The following AKAP13 variants were observed in gnomAD, a reference collection of about 807,000 sequenced individuals.
AKAP13 encodes the protein A-kinase anchor protein 13.
In AKAP13, 80 loss-of-function variants were observed where a neutral mutation model predicts 264.5. The observed-to-expected ratio is 0.30, with a 90% CI of 0.25 to 0.36. The LOEUF (loss-of-function observed/expected upper bound fraction) is 0.36. Ranked by LOEUF, AKAP13 falls within the 10% of genes least tolerant of loss-of-function variation. The probability of loss-of-function intolerance (pLI) is 1.00; values close to 1 mark genes in which losing one functional copy is unlikely to be tolerated. For synonymous variants in AKAP13, 1,380 were observed against 1,250.2 expected (o/e 1.10, Z -2.19); for missense variants, 3,712 against 3,435.2 (o/e 1.08, Z -2.01).
At chr15:85,398,691 G>T (rs1387257894) in intron 1 of AKAP13, among the ~76,000 whole-genome samples, 1 of 152,108 alleles carries the variant, frequency 6.6e-6, no homozygotes, top group African/African-American at 2.4e-5. Context: ...GAGTAGCTGG[G>T]ATTACAGGCA....
intron 5 of AKAP13, among the ~76,000 whole-genome samples, chr15:85,568,665 C>A (rs2078695698): frequency 6.6e-6 from 1 of 152,150 alleles, no homozygotes; most frequent in Admixed American, 6.5e-5. Flanking sequence ...TCATGAAGTT[C>A]TGTGGCTCTT....
intron 1 of AKAP13, among the ~76,000 whole-genome samples, chr15:85,470,802 A>G (rs1439076748): frequency 6.6e-6 from 1 of 152,198 alleles, no homozygotes; most frequent in Non-Finnish European, 1.5e-5. Flanking sequence ...CAGTGATTTT[A>G]TGTTACTTTG....
chr15:85,587,047 A>G (rs1461304097), intron 8 of AKAP13, among the ~76,000 whole-genome samples: 1 of 152,196 alleles, frequency 6.6e-6, no homozygotes, highest in African/African-American at 2.4e-5. Context: ...TAAAGTGCAT[A>G]GGTCATTGGT....
At chr15:85,481,235 A>G (rs1166756665) in intron 1 of AKAP13, among the ~76,000 whole-genome samples, 1 of 152,084 alleles carries the variant, frequency 6.6e-6, no homozygotes, top group Non-Finnish European at 1.5e-5. Context: ...AAAATCTCCA[A>G]ACTTTTGCTA....
chr15:85,643,199 A>ATT (rs10674019), intron 9 of AKAP13, among the ~76,000 whole-genome samples: 67,177 of 145,338 alleles, frequency 0.46, 16,319 homozygotes, highest in Middle Eastern at 0.59. Context: ...TTCCTATGGC[A>ATT]TTTTTTTTTT....
intron 8 of AKAP13, among the ~76,000 whole-genome samples, chr15:85,638,198 T>A (rs1000137610): frequency 5.9e-5 from 9 of 152,166 alleles, no homozygotes; most frequent in African/African-American, 2.2e-4. Flanking sequence ...GTTTTTAAAA[T>A]TTTTTTCAAA....
Position 85,429,344 on chromosome 15 carries a change from GT to G in AKAP13, c.-12+48551del, listed in dbSNP as rs1239359913. Among the ~76,000 whole-genome samples the G allele has an allele frequency of 2.0e-5, 3 of 152,284 alleles. No homozygotes were observed. In the East Asian group the frequency reaches 5.8e-4, roughly 29 times the overall value. On this transcript the variant is annotated intron_variant, in intron 1 of 36. Coordinates refer to ENST00000394518, the MANE Select transcript of AKAP13 (RefSeq NM_007200.5). ...AAGACTAATGGTCCATCTGGGAGCTGTTTTTCAGGGTAGGGAAGAGTCAGAG... is the reference window on the plus strand; with the variant it reads ...AAGACTAATGGTCCATCTGGGAGCTGTTTTCAGGGTAGGGAAGAGTCAGAG...
intron 17 of AKAP13, 112 bp downstream of exon 17, chr15:85,693,563 A>ACCCAGTGCCCCCACTGTTC: frequency 6.7e-7 from 1 of 1,493,594 alleles, no homozygotes; most frequent in Admixed American, 2.7e-5. Flanking sequence ...GTGGAGAAGT[A>ACCCAGTGCCCCCACTGTTC]ACCCTTTTTA....
At chr15:85,435,451 A>C (rs1186695597) in intron 1 of AKAP13, among the ~76,000 whole-genome samples, 2 of 107,946 alleles carry the variant, frequency 1.9e-5, no homozygotes, top group Admixed American at 2.1e-4. Context: ...GTTCAGATTC[A>C]GGAAATACAG....
chr15:85,539,553 C>G (rs1354694890), intron 4 of AKAP13, among the ~76,000 whole-genome samples: 2 of 152,150 alleles, frequency 1.3e-5, no homozygotes. Context: ...TTGTACTGAT[C>G]TCAGAACTTA....
intron 8 of AKAP13, among the ~76,000 whole-genome samples, chr15:85,634,878 T>C (rs1036036624): frequency 6.6e-6 from 1 of 151,970 alleles, no homozygotes; most frequent in Non-Finnish European, 1.5e-5. Flanking sequence ...ACTCTTGAGA[T>C]TCATCCATGT....
intron 8 of AKAP13, among the ~76,000 whole-genome samples, chr15:85,602,497 A>AT (rs1386355170): frequency 4.9e-5 from 7 of 143,164 alleles, no homozygotes; most frequent in African/African-American, 1.0e-4. Flanking sequence ...ATATATATAT[A>AT]TTTTTTTGAA....
intron 2 of AKAP13, among the ~76,000 whole-genome samples, chr15:85,498,504 G>A (rs12324277): frequency 0.5 from 74,680 of 150,038 alleles, 19,116 homozygotes; most frequent in Middle Eastern, 0.63. Context: ...GAGGTGAAGC[G>A]GTAATTCAAA....
At chr15:85,700,312 A>G (rs2085835642) in intron 17 of AKAP13, among the ~76,000 whole-genome samples, 1 of 152,218 alleles carries the variant, frequency 6.6e-6, no homozygotes, top group South Asian at 2.1e-4. Flanking sequence ...TTCCTGTTAA[A>G]CATGATAGAA....
At chr15:85,558,488 A>G (rs1465982479) in intron 5 of AKAP13, among the ~76,000 whole-genome samples, 1 of 152,218 alleles carries the variant, frequency 6.6e-6, no homozygotes, top group East Asian at 1.9e-4. Context: ...AACCTCACAC[A>G]TAGTTAAGTG....
At chr15:85,447,432 C>G (rs930657679) in intron 1 of AKAP13, among the ~76,000 whole-genome samples, 1 of 152,004 alleles carries the variant, frequency 6.6e-6, no homozygotes, top group Non-Finnish European at 1.5e-5. Context: ...CAGATAAACA[C>G]ATGTCACGGG....
chr15:85,495,708 A>G (rs1166456961), intron 2 of AKAP13, among the ~76,000 whole-genome samples: 1 of 152,216 alleles, frequency 6.6e-6, no homozygotes. Context: ...CACACTTATT[A>G]GATTTTCAAG....
At chr15:85,497,211 T>TTTGTGAAGCA (rs1399904388) in intron 2 of AKAP13, among the ~76,000 whole-genome samples, 1 of 152,234 alleles carries the variant, frequency 6.6e-6, no homozygotes, top group Non-Finnish European at 1.5e-5. Context: ...AAAACAAGTA[T>TTTGTGAAGCA]TTGTGAAGCA....
chr15:85,641,482 AAATAAATAAATAAATAAAT>A lies in AKAP13; in HGVS notation c.4237+2036_4237+2054del, dbSNP rs2082307983. Among the ~76,000 whole-genome samples the A allele has an allele frequency of 2.1e-5, 3 of 142,460 alleles. No individual in the cohort carries two copies. In the South Asian group the frequency reaches 6.9e-4, roughly 33 times the overall value. 93.5% of individuals were successfully genotyped at this position (142,460 alleles called of 152,430 possible). A position where few individuals can be genotyped will look rare whatever the true frequency, so the allele number is the denominator to read the frequency against. On this transcript the variant is annotated intron_variant, in intron 9 of 36. Transcript: ENST00000394518. ...TAAATAAATAAATAAATAAATAAATAAATAAATAAATAAATAAATAAATAACGGAGTCTCGCTCTGTCGC... is the reference window on the plus strand; with the variant it reads ...TAAATAAATAAATAAATAAATAAATAAAATAACGGAGTCTCGCTCTGTCGC...
Sources: gnomAD v4.1 joint callset for allele counts (sites outside exome capture counted in the v4.1 genomes callset) on GRCh38, gnomAD v4.1.1 for gene constraint, MANE v1.5 for transcripts, NCBI Gene and HGNC (gene_info 2026-07-23, HGNC 2026-07-21) for gene names.